PARD3: variants seen among roughly 807,000 people sequenced by gnomAD.
PARD3 encodes par-3 family cell polarity regulator.
Under a neutral mutation model 155.4 loss-of-function variants are expected in PARD3, and 75 were observed. The observed-to-expected ratio is 0.48, with a 90% confidence interval of 0.40 to 0.58. PARD3 has a LOEUF of 0.58. Ranked by LOEUF, PARD3 falls within the 20% of genes least tolerant of loss-of-function variation. The pLI is 0.00. For missense variants in PARD3, 1,642 were observed against 1,721.7 expected, an observed-to-expected ratio of 0.95 and a Z score of 0.82; for synonymous variants, 576 against 610.5, an observed-to-expected ratio of 0.94 and a Z score of 0.83.
At chr10:34,424,785 G>T (rs1035818321) in intron 5 of PARD3, among the ~76,000 whole-genome samples, 1 of 152,130 alleles carries the variant, frequency 6.6e-6, no homozygotes, top group Non-Finnish European at 1.5e-5. Context: ...AAAGTGCTGG[G>T]ATTACAGGGG....
At chr10:34,489,084 T>A (rs2079690523) in intron 3 of PARD3, among the ~76,000 whole-genome samples, 1 of 152,192 alleles carries the variant, frequency 6.6e-6, no homozygotes, top group Non-Finnish European at 1.5e-5. Flanking sequence ...AAGCCTGTAA[T>A]CTCAGAACTT....
At chr10:34,483,549 T>C (rs142881175) in intron 3 of PARD3, among the ~76,000 whole-genome samples, 290 of 151,938 alleles carry the variant, frequency 1.9e-3, no homozygotes, top group African/African-American at 6.7e-3. Context: ...GCTATTGTTA[T>C]TTATAATATT....
At chr10:34,403,918 T>C (rs751350585) in intron 5 of PARD3, among the ~76,000 whole-genome samples, 6 of 152,108 alleles carry the variant, frequency 3.9e-5, no homozygotes, top group Non-Finnish European at 8.8e-5. Flanking sequence ...TCAGGATTCA[T>C]TAATAATTTA....
At chr10:34,471,195 C>T (rs2078324514) in intron 3 of PARD3, among the ~76,000 whole-genome samples, 1 of 152,184 alleles carries the variant, frequency 6.6e-6, no homozygotes, top group Non-Finnish European at 1.5e-5. Context: ...CATATACTCA[C>T]ATATACAATT....
intron 1 of PARD3, among the ~76,000 whole-genome samples, chr10:34,802,848 T>C (rs1588832105): frequency 6.6e-6 from 1 of 152,194 alleles, no homozygotes; most frequent in Middle Eastern, 3.4e-3. Context: ...GGCTAACATG[T>C]AGTCCACCTG....
chr10:34,677,479 CAA>C (rs978427726), intron 2 of PARD3, among the ~76,000 whole-genome samples: 12 of 109,422 alleles, frequency 1.1e-4, no homozygotes, highest in Non-Finnish European at 1.4e-4. Context: ...GACTCTGTCT[CAA>C]AAAAAAAAAA....
chr10:34,589,439 T>TG (rs1265187964), intron 2 of PARD3, among the ~76,000 whole-genome samples: 1 of 151,968 alleles, frequency 6.6e-6, no homozygotes, highest in East Asian at 1.9e-4. Flanking sequence ...CTGGCATCCT[T>TG]AGAAGAAGAA....
chr10:34,621,207 G>GT (rs776876508), intron 2 of PARD3, among the ~76,000 whole-genome samples: 358 of 151,758 alleles, frequency 2.4e-3, no homozygotes, highest in Non-Finnish European at 4.2e-3. Context: ...TTTTTTGGGG[G>GT]TTTTTTTTGT....
intron 2 of PARD3, among the ~76,000 whole-genome samples, chr10:34,519,960 C>T (rs1431013944): frequency 6.6e-6 from 1 of 152,080 alleles, no homozygotes; most frequent in Non-Finnish European, 1.5e-5. Context: ...CTTCACCCTT[C>T]AATCCCACAC....
intron 1 of PARD3, among the ~76,000 whole-genome samples, chr10:34,812,275 G>A (rs952184614): frequency 2.0e-5 from 3 of 152,070 alleles, no homozygotes; most frequent in African/African-American, 7.2e-5. Context: ...TGGCTTGGTT[G>A]GTTATTATCC....
chr10:34,686,296 T>G (rs1297397987), intron 2 of PARD3, among the ~76,000 whole-genome samples: 1 of 152,208 alleles, frequency 6.6e-6, no homozygotes, highest in Admixed American at 6.5e-5. Flanking sequence ...ATGGCTCTTT[T>G]CTGTCTTTTC....
Position 34,199,096 on chromosome 10 carries a change from G to A in PARD3, c.3420-67513C>T, listed in dbSNP as rs183807341. 1.3e-3 allele frequency among the ~76,000 whole-genome samples: 193 copies of A among 152,186 alleles called. 2 individuals carry two copies. The highest frequency in any genetic ancestry group is 2.0e-3 in the Non-Finnish European group (137 of 67,992). On this transcript the variant is annotated intron_variant, in intron 22 of 24. Coordinates refer to ENST00000374788, the MANE Select transcript of PARD3 (RefSeq NM_001184785.2). ...AGTGGACATTACATGGCAGGATCCA[G>A]GATCCAATAAGATGGAGCTCTGGCA...
At chr10:34,391,395 A>T (rs1416810631) in intron 7 of PARD3, among the ~76,000 whole-genome samples, 12 of 151,580 alleles carry the variant, frequency 7.9e-5, no homozygotes, top group African/African-American at 2.9e-4. Context: ...CGAAGGGAGA[A>T]GGTTTTTCTT....
chr10:34,481,838 C>A (rs1385935551), intron 3 of PARD3, among the ~76,000 whole-genome samples: 1 of 151,832 alleles, frequency 6.6e-6, no homozygotes, highest in Non-Finnish European at 1.5e-5. Context: ...TCTGACCATT[C>A]ATTCATTTAT....
chr10:34,628,989 A>C (rs2092126995), intron 2 of PARD3, among the ~76,000 whole-genome samples: 1 of 152,196 alleles, frequency 6.6e-6, no homozygotes, highest in Admixed American at 6.5e-5. Flanking sequence ...AATGGGTAAA[A>C]GAATAGGTCT....
chr10:34,755,768 GC>G (rs200851860), intron 1 of PARD3, among the ~76,000 whole-genome samples: 2 of 79,486 alleles, frequency 2.5e-5, no homozygotes, highest in African/African-American at 8.2e-5. Flanking sequence ...TATATAACAT[GC>G]TTTTTTTTGC....
intron 12 of PARD3, among the ~76,000 whole-genome samples, chr10:34,366,298 T>C (rs564100917): frequency 1.3e-5 from 2 of 152,358 alleles, no homozygotes; most frequent in South Asian, 4.1e-4. Context: ...TTGTGTTAAT[T>C]ATTTTGCCCA....
intron 12 of PARD3, among the ~76,000 whole-genome samples, chr10:34,370,809 T>TGTGG (rs1840515507): frequency 9.2e-5 from 1 of 10,866 alleles, no homozygotes; most frequent in South Asian, 3.8e-3. Context: ...ACAAATGGGG[T>TGTGG]GTGTGTGTGT....
At chr10:34,465,182 CCA>C (rs1342938091) in intron 4 of PARD3, among the ~76,000 whole-genome samples, 1 of 152,022 alleles carries the variant, frequency 6.6e-6, no homozygotes, top group African/African-American at 2.4e-5. Context: ...TGTTGTTGTT[CCA>C]AATATTTTCA....
Sources: allele counts gnomAD v4.1 joint callset (sites outside exome capture counted in the v4.1 genomes callset), GRCh38; gene constraint gnomAD v4.1.1; transcripts MANE v1.5; gene names NCBI Gene and HGNC (gene_info 2026-07-23, HGNC 2026-07-21).